The following GPRC5A variants were observed in gnomAD, a reference collection of about 807,000 sequenced individuals.
The protein encoded by GPRC5A is retinoic acid-induced protein 3.
A neutral mutation model predicts 22.5 loss-of-function variants in GPRC5A; 19 were observed. The observed-to-expected ratio is 0.85, with a 90% CI of 0.59 to 1.24. GPRC5A has a LOEUF of 1.24. Among genes scored for constraint, GPRC5A ranks in the 50% most tolerant of loss-of-function variants. The pLI is 0.00. For missense variants in GPRC5A, 471 were observed against 451.1 expected (o/e 1.04, Z -0.40); for synonymous variants, 192 against 184.5 (o/e 1.04, Z -0.33).
intron 1 of GPRC5A, among the ~76,000 whole-genome samples, chr12:12,892,986 G>A (rs901964377): frequency 9.9e-5 from 15 of 152,198 alleles, no homozygotes; most frequent in African/African-American, 3.6e-4. Context: ...GGGGAAGGAA[G>A]GGCCGGGAGA....
chr12:12,912,574 C>T lies in GPRC5A; in HGVS notation c.*35C>T, dbSNP rs549791787. 2.3e-5 allele frequency: 30 copies of T among 1,283,628 alleles called. No homozygotes were observed. The highest frequency in any genetic ancestry group is 1.9e-4 in the Middle Eastern group (1 of 5,396). The allele number at this position is 1,283,628 out of a possible 1,614,324, so 79.5% of individuals were successfully genotyped here. ...GAAGAGTGGGACAAATGCAGCCGGG[C>T]GGCAGATCTAGCGGGAGCTCAAAGG... On this transcript the variant is annotated 3_prime_UTR_variant, in exon 4 of 4. Coordinates refer to ENST00000014914, the MANE Select transcript of GPRC5A (RefSeq NM_003979.4).
Position 12,915,742 on chromosome 12 carries a change from G to A in GPRC5A, c.*3203G>A. ...CCAAACCTCGTGATCCACCTACCTT[G>A]GCCTCTGAAAGTGCTGGGATACCGT... On this transcript the variant is annotated 3_prime_UTR_variant, in exon 4 of 4. Transcript: ENST00000014914. The A allele has an allele frequency of 7.9e-6, 3 of 381,046 alleles. No homozygotes were observed. The highest frequency in any genetic ancestry group is 4.0e-5 in the South Asian group (2 of 50,510). The allele number at this position is 381,046 out of a possible 1,614,324, so 23.6% of individuals were successfully genotyped here.
intron 1 of GPRC5A, among the ~76,000 whole-genome samples, chr12:12,893,817 G>A (rs1863791518): frequency 1.3e-5 from 2 of 152,162 alleles, no homozygotes; most frequent in Admixed American, 6.6e-5. Flanking sequence ...GCAGTGACGT[G>A]ATCTCGGCTC....
chr12:12,895,923 G>A (rs1413217704), intron 1 of GPRC5A, among the ~76,000 whole-genome samples: 4 of 147,062 alleles, frequency 2.7e-5, no homozygotes, highest in Non-Finnish European at 5.9e-5. Flanking sequence ...AACCCAGGAG[G>A]TGGAGCTTGC....
At chr12:12,912,193 C>T (rs1258295950) in intron 3 of GPRC5A, 51 bp downstream of exon 3, 1 of 1,267,670 alleles carries the variant, frequency 7.9e-7, no homozygotes, top group Non-Finnish European at 1.2e-6. Context: ...ACCTCAGGAA[C>T]ACTGATCCTT....
Position 12,913,552 on chromosome 12 carries a change from A to G in GPRC5A, c.*1013A>G, listed in dbSNP as rs1279954731. 1 of 152,172 alleles carries G rather than the reference A, an allele frequency of 6.6e-6. No homozygotes were observed. The highest frequency in any genetic ancestry group is 1.5e-5 in the Non-Finnish European group (1 of 68,034). 9.4% of individuals were successfully genotyped at this position (152,172 alleles called of 1,614,324 possible). ...ACCGCATTTACGGCTGCATTCTGTA[A>G]GTGGGCATGGTCTCCTAATGGAGGA... On this transcript the variant is annotated 3_prime_UTR_variant, in exon 4 of 4. Transcript: ENST00000014914.
chr12:12,916,054 G>T lies in GPRC5A; in HGVS notation c.*3515G>T. ...TTTACTCTTTCTTTTCTTTGGAGAG[G>T]GTACCAAAGGATAGCTGTTCTGTTT... On this transcript the variant is annotated 3_prime_UTR_variant, in exon 4 of 4. Transcript: ENST00000014914. 3.8e-6 allele frequency: 1 copy of T among 261,602 alleles called. No individual in the cohort carries two copies. 16.2% of individuals were successfully genotyped at this position (261,602 alleles called of 1,614,324 possible). A position where few individuals can be genotyped will look rare whatever the true frequency, so the allele number is the denominator to read the frequency against.
chr12:12,899,247 G>T (rs939815183), intron 1 of GPRC5A, among the ~76,000 whole-genome samples: 2 of 152,076 alleles, frequency 1.3e-5, no homozygotes, highest in African/African-American at 4.8e-5. Context: ...ATGCTGCCCA[G>T]GTTGGTCTCA....
At chr12:12,892,846 C>A (rs1863777729) in intron 1 of GPRC5A, among the ~76,000 whole-genome samples, 1 of 152,158 alleles carries the variant, frequency 6.6e-6, no homozygotes, top group Middle Eastern at 3.2e-3. Flanking sequence ...GCTGTGGGTT[C>A]ATTCCTGAAG....
In GPRC5A at chr12:12,908,510, C is replaced by T. The variant is rs373232641; in HGVS notation, c.261C>T (p.Ile87=). 121 of 1,614,048 alleles carry T rather than the reference C, an allele frequency of 7.5e-5. No individual in the cohort carries two copies. In the Middle Eastern group the frequency reaches 1.5e-3, roughly 20 times the overall value. Residue 87 remains isoleucine, a synonymous_variant, in exon 2 of 4, where the codon ATC becomes ATT. Transcript: ENST00000014914. The part of the protein sequence containing the change: ...GIFGLTFAFI[I]GLDGSTGPTR... The stretch of plus-strand genomic sequence containing the variant: ...TTGGCCTCACCTTCGCCTTCATCAT[C>T]GGACTGGACGGGAGCACAGGGCCCA...
intron 3 of GPRC5A, 118 bp from the exon 4 acceptor site, chr12:12,912,329 A>G: frequency 1.2e-6 from 1 of 851,896 alleles, no homozygotes; most frequent in Admixed American, 1.8e-5. Context: ...CATAGAGAGG[A>G]CTTGGGGGTG....
At chr12:12,900,376 T>C (rs2136457247) in intron 1 of GPRC5A, among the ~76,000 whole-genome samples, 1 of 152,302 alleles carries the variant, frequency 6.6e-6, no homozygotes, top group South Asian at 2.1e-4. Flanking sequence ...ACCACGTAGT[T>C]CAGCAGCGTG....
At chr12:12,907,578 G>A (rs936447073) in intron 1 of GPRC5A, among the ~76,000 whole-genome samples, 3 of 152,068 alleles carry the variant, frequency 2.0e-5, no homozygotes, top group Admixed American at 1.3e-4. Context: ...TAATTCCTAA[G>A]AAAACACTAG....
chr12:12,903,269 GT>G (rs200896236), intron 1 of GPRC5A, among the ~76,000 whole-genome samples: 4 of 151,418 alleles, frequency 2.6e-5, no homozygotes, highest in East Asian at 1.9e-4. Context: ...ATGAAAACAA[GT>G]TTTTTTTTAA....
chr12:12,902,686 C>A (rs1041299495), intron 1 of GPRC5A, among the ~76,000 whole-genome samples: 1 of 152,012 alleles, frequency 6.6e-6, no homozygotes, highest in Non-Finnish European at 1.5e-5. Flanking sequence ...TGGGAAGATA[C>A]CTTGAGCCCA....
At chr12:12,900,427 G>C (rs1158744949) in intron 1 of GPRC5A, among the ~76,000 whole-genome samples, 1 of 152,186 alleles carries the variant, frequency 6.6e-6, no homozygotes, top group Non-Finnish European at 1.5e-5. Flanking sequence ...GAGAGGTCAA[G>C]TGACTTACTT....
At position 12,916,548 on chromosome 12, in the gene GPRC5A, G is replaced by C. The variant is rs1864066069; in HGVS notation, c.*4009G>C. On this transcript the variant is annotated 3_prime_UTR_variant, in exon 4 of 4. Transcript: ENST00000014914. The stretch of plus-strand genomic sequence containing the variant: ...GCGAGGCAAATGCGTCCCATTTTAA[G>C]AGGCTTGTATTTATGAGCTCTTTGC... The C allele has an allele frequency of 6.6e-6, 1 of 152,372 alleles. No individual in the cohort carries two copies. Among genetic ancestry groups the C allele is most frequent in the East Asian group, 1.9e-4 (1 of 5,184 alleles). 9.4% of individuals were successfully genotyped at this position (152,372 alleles called of 1,614,324 possible).
At chr12:12,909,376 A>G (rs1863980155) in intron 2 of GPRC5A, 2 of 541,024 alleles carry the variant, frequency 3.7e-6, no homozygotes, top group Non-Finnish European at 6.5e-6. Flanking sequence ...TGGAGTCTTT[A>G]TTGAGTACTT....
At chr12:12,899,335 G>C (rs1010797366) in intron 1 of GPRC5A, among the ~76,000 whole-genome samples, 1 of 152,120 alleles carries the variant, frequency 6.6e-6, no homozygotes, top group South Asian at 2.1e-4. Flanking sequence ...TACTGCCCCC[G>C]GCCAGGGTTG....
Sources: gnomAD v4.1 joint callset for allele counts (sites outside exome capture counted in the v4.1 genomes callset) on GRCh38, gnomAD v4.1.1 for gene constraint, MANE v1.5 for transcripts, NCBI Gene and HGNC (gene_info 2026-07-23, HGNC 2026-07-21) for gene names.